NPAS4: variants seen among roughly 807,000 people sequenced by gnomAD.
NPAS4 encodes neuronal PAS domain-containing protein 4.
In NPAS4, 10 loss-of-function variants were observed where a neutral mutation model predicts 64.0. That is an observed-to-expected ratio of 0.16 (90% CI 0.10 to 0.26). The LOEUF (loss-of-function observed/expected upper bound fraction) is 0.26. Among genes scored for constraint, NPAS4 ranks in the 10% least tolerant of loss-of-function variants. The pLI, the probability that NPAS4 is intolerant of heterozygous loss-of-function variation, is 1.00. For missense variants in NPAS4, 886 were observed against 992.6 expected (o/e 0.89, Z 1.44); for synonymous variants, 441 against 411.7 (o/e 1.07, Z -0.86).
rs746157411 is a variant in NPAS4 at position 66,422,257 on chromosome 11, C to T, written c.313C>T (p.Leu105=). 1.9e-6 allele frequency: 3 copies of T among 1,614,064 alleles called. No homozygotes were observed. The South Asian group carries it at 3.3e-5, about 18-fold the overall frequency. The part of the protein sequence containing the change: ...LYLSESVSEH[L]GHSMVDLVAQ... ...CCTGTCTGAGAGTGTGAGCGAGCATCTGGGCCACTCCATGGTGAGTGCTAA... is the reference window on the plus strand; with the variant it reads ...CCTGTCTGAGAGTGTGAGCGAGCATTTGGGCCACTCCATGGTGAGTGCTAA... Residue 105 remains leucine, a synonymous_variant, in exon 2 of 8, where the codon CTG becomes TTG. Transcript: ENST00000311034.
rs1475405184 is a variant in NPAS4 at position 66,424,678 on chromosome 11, C to T, written c.1788C>T (p.Gly596=). The T allele has an allele frequency of 1.9e-6, 3 of 1,613,006 alleles. No homozygotes were observed. Among genetic ancestry groups the T allele is most frequent in the Non-Finnish European group, 2.5e-6 (3 of 1,179,330 alleles). ...TCTTGGCCCTAGCCCAGCTCCGGGG[C>T]CCCCTCTCTGTGGATGTCCCCCTGG... ...CTLLALAQLR[G]PLSVDVPLVP... The change falls in exon 7 of 8, where the codon GGC becomes GGT. Residue 596 remains glycine (G), a synonymous_variant. Coordinates refer to ENST00000311034, the MANE Select transcript of NPAS4 (RefSeq NM_178864.4).
upstream of NPAS4, among the ~76,000 whole-genome samples, chr11:66,416,623 A>C (rs974938692): frequency 1.3e-5 from 2 of 152,230 alleles, no homozygotes; most frequent in African/African-American, 4.8e-5. Context: ...GCATCAATGC[A>C]TCTTTCTTGG....
chr11:66,425,384 A>T (rs895244966), intron 7 of NPAS4, 114 bp downstream of exon 7: 1 of 568,386 alleles, frequency 1.8e-6, no homozygotes, highest in Non-Finnish European at 3.0e-6. Context: ...TAAGGGGATG[A>T]CATCCCCTGC....
In NPAS4 at chr11:66,424,609, G is replaced by A; in HGVS notation, c.1719G>A (p.Lys573=). 1.2e-6 allele frequency: 2 copies of A among 1,614,178 alleles called. No homozygotes were observed. Among genetic ancestry groups the A allele is most frequent in the Non-Finnish European group, 8.5e-7 (1 of 1,180,028 alleles). Residue 573 remains lysine, a synonymous_variant, in exon 7 of 8, where the codon AAG becomes AAA. Transcript: ENST00000311034. ...AQEGCSFLYE[K]LPPSPSSPGN... is the part of the protein sequence containing the mutation. ...AGGGATGCAGTTTTCTCTATGAGAA[G>A]TTGCCCCCAAGTCCTAGCAGCCCTG...
chr11:66,422,879 C>G lies in NPAS4; in HGVS notation c.636C>G (p.Leu212=). Residue 212 remains leucine, a synonymous_variant, in exon 4 of 8, where the codon CTC becomes CTG. Transcript: ENST00000311034. Reference sequence around the variant, plus strand: ...GCCCTGGCCCTGGCCCTGCCTCGCTCTTCCTGGCCATGTTCCAGAGCCGCC... The same window carrying G: ...GCCCTGGCCCTGGCCCTGCCTCGCTGTTCCTGGCCATGTTCCAGAGCCGCC... ...GPGPGPGPAS[L]FLAMFQSRHA... is the part of the protein sequence containing the mutation. 6.2e-7 allele frequency: 1 copy of G among 1,611,550 alleles called. No homozygotes were observed. The highest frequency in any genetic ancestry group is 2.2e-5 in the East Asian group (1 of 44,878).
the NPAS4 span, among the ~76,000 whole-genome samples, chr11:66,414,480 T>C: frequency 3.9e-5 from 6 of 152,122 alleles, no homozygotes; most frequent in African/African-American, 1.4e-4. Context: ...CCCTCCATGG[T>C]TCTATGTCCC....
At chr11:66,413,230 T>G in the NPAS4 span, among the ~76,000 whole-genome samples, 2 of 152,318 alleles carry the variant, frequency 1.3e-5, no homozygotes, top group African/African-American at 4.8e-5. Context: ...ATATTTAGGC[T>G]GAACTAACGG....
Position 66,422,876 on chromosome 11 carries a change from G to T in NPAS4, c.633G>T (p.Ser211=), listed in dbSNP as rs757301709. 6.2e-7 allele frequency: 1 copy of T among 1,611,310 alleles called. No homozygotes were observed. Among genetic ancestry groups the T allele is most frequent in the South Asian group, 1.1e-5 (1 of 91,066 alleles). The change falls in exon 4 of 8, where the codon TCG becomes TCT. Residue 211 remains serine (S), a synonymous_variant. Transcript: ENST00000311034. ...PGPGPGPGPA[S]LFLAMFQSRH... The stretch of plus-strand genomic sequence containing the variant: ...CTGGCCCTGGCCCTGGCCCTGCCTC[G>T]CTCTTCCTGGCCATGTTCCAGAGCC...
At position 66,423,262 on chromosome 11, in the gene NPAS4, T is replaced by C. The variant is rs200228066; in HGVS notation, c.808+30T>C. Reference sequence around the variant, plus strand: ...GTGTCCAGAGAGGCTGGGGACAAGATAGCAAGCTGGGAAAGGGCATGGGAG... The same window carrying C: ...GTGTCCAGAGAGGCTGGGGACAAGACAGCAAGCTGGGAAAGGGCATGGGAG... On this transcript the variant is annotated intron_variant, in intron 5 of 7. Transcript: ENST00000311034. 4.9e-4 allele frequency: 707 copies of C among 1,440,810 alleles called. 6 individuals are homozygous for C. The highest frequency in any genetic ancestry group is 4.0e-3 in the South Asian group (334 of 84,492). The allele number at this position is 1,440,810 out of a possible 1,614,324, so 89.3% of individuals were successfully genotyped here.
chr11:66,424,136 C>T lies in NPAS4; in HGVS notation c.1246C>T (p.Leu416=). ...GCCTGAGCCTTCTCTCCAAGCAGAA[C>T]TAAGCAAGGATCTTGTGTGCACTCC... ...SGPEPSLQAE[L]SKDLVCTPPY... The change falls in exon 7 of 8, where the codon CTA becomes TTA. Residue 416 remains leucine (L), a synonymous_variant. Coordinates refer to ENST00000311034, the MANE Select transcript of NPAS4 (RefSeq NM_178864.4). 6.2e-7 allele frequency: 1 copy of T among 1,614,084 alleles called. No homozygotes were observed. Among genetic ancestry groups the T allele is most frequent in the Non-Finnish European group, 8.5e-7 (1 of 1,180,024 alleles).
chr11:66,421,909 A>C (rs751935866), intron 1 of NPAS4, among the ~76,000 whole-genome samples: 14 of 151,942 alleles, frequency 9.2e-5, no homozygotes, highest in Non-Finnish European at 1.8e-4. Context: ...AGAGGAGCCG[A>C]CCCCGCTTTA....
At chr11:66,414,266 AG>A in the NPAS4 span, among the ~76,000 whole-genome samples, 1 of 152,170 alleles carries the variant, frequency 6.6e-6, no homozygotes, top group Non-Finnish European at 1.5e-5. Context: ...CAGCCTCCCC[AG>A]GGCAGGTCAA....
rs1427160387 is a variant in NPAS4, at chr11:66,421,201, G to A, written c.22G>A (p.Ala8Thr). The A allele has an allele frequency of 6.2e-7, 1 of 1,611,608 alleles. No homozygotes were observed. The highest frequency in any genetic ancestry group is 8.5e-7 in the Non-Finnish European group (1 of 1,178,980). ...GGTCATGTACCGCTCCACCAAGGGC[G>A]CCTCCAAGGCGCGCCGGGACCAGAT... is the stretch of plus-strand genomic sequence containing the variant. MYRSTKG[A>T]SKARRDQINA... is the part of the protein sequence containing the mutation. The change falls in exon 1 of 8, where the codon GCC (alanine) becomes ACC (threonine). Residue 8 changes from alanine to threonine, a missense_variant. Physicochemically the swap from Ala to Thr is moderately conservative, Grantham distance 58 (BLOSUM62 0). Transcript: ENST00000311034.
upstream of NPAS4, chr11:66,417,026 AT>A (rs1347247332): frequency 1.3e-5 from 2 of 152,134 alleles, no homozygotes; most frequent in African/African-American, 4.8e-5. Context: ...CAGTTTCCCA[AT>A]AAAGCTATGC....
At chr11:66,415,531 A>C in the NPAS4 span, among the ~76,000 whole-genome samples, 1 of 152,230 alleles carries the variant, frequency 6.6e-6, no homozygotes, top group Non-Finnish European at 1.5e-5. Flanking sequence ...TCTCTGTTGC[A>C]ACTACTCAGC....
chr11:66,421,385 G>A (rs759720346), intron 1 of NPAS4, 31 bp downstream of exon 1: 3 of 1,605,578 alleles, frequency 1.9e-6, no homozygotes, highest in Admixed American at 1.7e-5. Context: ...GCAGATCCGA[G>A]CTGCCAGGCG....
Position 66,422,634 on chromosome 11 carries a change from C to A in NPAS4, c.431-40C>A, listed in dbSNP as rs779008827. On this transcript the variant is annotated intron_variant, in intron 3 of 7. Transcript: ENST00000311034. ...CCACCATCCACTGTCTCTCTCTCAG[C>A]CACTCACCCTCTTATCTGTTTTTCT... is the stretch of plus-strand genomic sequence containing the variant. 5.8e-5 allele frequency: 94 copies of A among 1,610,290 alleles called. No homozygotes were observed. The Admixed American group carries it at 6.3e-4, about 11-fold the overall frequency.
In NPAS4 at chr11:66,424,130, G is replaced by A. The variant is rs1856801390; in HGVS notation, c.1240G>A (p.Ala414Thr). 6.2e-7 allele frequency: 1 copy of A among 1,613,868 alleles called. No homozygotes were observed. The change falls in exon 7 of 8, where the codon GCA becomes ACA. Residue 414 changes from alanine (A) to threonine (T), a missense_variant. Coordinates refer to ENST00000311034, the MANE Select transcript of NPAS4 (RefSeq NM_178864.4). ...TTCTGGGCCTGAGCCTTCTCTCCAAGCAGAACTAAGCAAGGATCTTGTGTG... is the reference window on the plus strand; with the variant it reads ...TTCTGGGCCTGAGCCTTCTCTCCAAACAGAACTAAGCAAGGATCTTGTGTG... Reference protein sequence around the residue: ...FPSGPEPSLQAELSKDLVCTP... With the variant: ...FPSGPEPSLQTELSKDLVCTP...
rs767797741 is a variant in NPAS4, at chr11:66,423,148, C to T, written c.724C>T (p.Arg242Cys). 3.1e-6 allele frequency: 5 copies of T among 1,609,990 alleles called. No individual in the cohort carries two copies. Among genetic ancestry groups the T allele is most frequent in the Admixed American group, 1.7e-5 (1 of 59,548 alleles). ...ESVLIYLGFERSELLCKSWYG... is the reference protein window; with the variant it reads ...ESVLIYLGFECSELLCKSWYG... The stretch of plus-strand genomic sequence containing the variant: ...TGTCCTAATCTACCTGGGCTTTGAG[C>T]GCAGTGAACTGCTTTGTAAATCATG... Residue 242 changes from arginine to cysteine, a missense_variant, in exon 5 of 8, where the codon CGC becomes TGC. Arg to Cys is a radical substitution (Grantham distance 180). This residue lies in a region of NPAS4 where 820 missense variants were observed against 855.5 expected (regional missense o/e 0.96). Coordinates refer to ENST00000311034, the MANE Select transcript of NPAS4 (RefSeq NM_178864.4).
Sources: gnomAD v4.1 joint callset for allele counts (sites outside exome capture counted in the v4.1 genomes callset) on GRCh38, gnomAD v4.1.1 for gene constraint, gnomAD v4.1.1 regional missense constraint, MANE v1.5 for transcripts, NCBI Gene and HGNC (gene_info 2026-07-23, HGNC 2026-07-21) for gene names.